The following NF2 variants were observed in gnomAD, a reference collection of about 807,000 sequenced individuals.
NF2 encodes the protein NF2, moesin-ezrin-radixin like (MERLIN) tumor suppressor.
NF2 carries 8 observed loss-of-function variants against 83.7 expected under a neutral mutation model. That is an observed-to-expected ratio of 0.10 (90% CI 0.06 to 0.17). The LOEUF is 0.17. Among genes scored for constraint, NF2 ranks in the 10% least tolerant of loss-of-function variants. NF2 has a pLI of 1.00. For synonymous variants in NF2, 266 were observed against 269.6 expected, an observed-to-expected ratio of 0.99 and a Z score of 0.13; for missense variants, 533 against 744.4, an observed-to-expected ratio of 0.72 and a Z score of 3.31.
At chr22:29,626,791 T>C (rs2065379263) in intron 1 of NF2, among the ~76,000 whole-genome samples, 1 of 152,250 alleles carries the variant, frequency 6.6e-6, no homozygotes, top group Non-Finnish European at 1.5e-5. Flanking sequence ...TACTTGATGT[T>C]TAGGCATTTG....
intron 1 of NF2, among the ~76,000 whole-genome samples, chr22:29,631,177 T>A (rs1406381053): frequency 6.6e-6 from 1 of 152,172 alleles, no homozygotes; most frequent in African/African-American, 2.4e-5. Context: ...TTATGCTGTT[T>A]GTCAGATACT....
At chr22:29,643,620 T>G (rs1338414870) in intron 4 of NF2, among the ~76,000 whole-genome samples, 1 of 152,096 alleles carries the variant, frequency 6.6e-6, no homozygotes, top group Non-Finnish European at 1.5e-5. Flanking sequence ...AGGTCACAGA[T>G]CAACAGGATC....
chr22:29,674,046 T>C (rs1032776890), intron 12 of NF2, among the ~76,000 whole-genome samples: 3 of 152,222 alleles, frequency 2.0e-5, no homozygotes, highest in African/African-American at 7.2e-5. Context: ...AAGACTATTC[T>C]AGGCCTGCAA....
chr22:29,648,092 C>T (rs1169506383), intron 4 of NF2, among the ~76,000 whole-genome samples: 2 of 151,642 alleles, frequency 1.3e-5, no homozygotes, highest in Admixed American at 6.6e-5. Flanking sequence ...GATCACACCA[C>T]TGCACTCCAG....
At chr22:29,631,471 A>T (rs933468441) in intron 1 of NF2, among the ~76,000 whole-genome samples, 5 of 152,218 alleles carry the variant, frequency 3.3e-5, no homozygotes, top group Admixed American at 6.5e-5. Context: ...TCAGACATGA[A>T]CAGGGACAGT....
At chr22:29,642,629 C>CT (rs1363243854) in intron 4 of NF2, among the ~76,000 whole-genome samples, 1 of 151,682 alleles carries the variant, frequency 6.6e-6, no homozygotes, top group South Asian at 2.1e-4. Context: ...CTGGAAAAAC[C>CT]TTTTTTCTTT....
chr22:29,695,054 C>G lies in NF2; in HGVS notation c.*252C>G. 1 of 588,522 alleles carries G rather than the reference C, an allele frequency of 1.7e-6. No homozygotes were observed. Among genetic ancestry groups the G allele is most frequent in the Non-Finnish European group, 3.0e-6 (1 of 329,592 alleles). The allele number at this position is 588,522 out of a possible 1,614,324, so 36.5% of individuals were successfully genotyped here. On this transcript the variant is annotated 3_prime_UTR_variant, in exon 16 of 16. Transcript: ENST00000338641. This position sits in a 1 kb window ranked among gnomAD's most constrained non-coding sequence, Gnocchi z 5.4. The stretch of plus-strand genomic sequence containing the variant: ...CTTTGTTTTAAGAAGTATTTGTCTT[C>G]CTTTGTCTAATGTGGGATTCCTGAC...
intron 3 of NF2, among the ~76,000 whole-genome samples, chr22:29,641,639 A>G (rs956112328): frequency 6.6e-6 from 1 of 152,218 alleles, no homozygotes; most frequent in Non-Finnish European, 1.5e-5. Flanking sequence ...AAATATGTTA[A>G]TTCAACATTA....
intron 7 of NF2, among the ~76,000 whole-genome samples, chr22:29,659,320 C>G (rs1188075077): frequency 6.6e-6 from 1 of 152,140 alleles, no homozygotes; most frequent in Non-Finnish European, 1.5e-5. Context: ...TTTTATAATC[C>G]TCAGAAAACA....
chr22:29,672,950 C>A (rs1405246182), intron 11 of NF2, among the ~76,000 whole-genome samples: 1 of 152,212 alleles, frequency 6.6e-6, no homozygotes, highest in Non-Finnish European at 1.5e-5. Flanking sequence ...GGACAAAAAA[C>A]TCCTCTGGTT....
intron 9 of NF2, among the ~76,000 whole-genome samples, chr22:29,666,517 G>A (rs1041858608): frequency 3.9e-5 from 6 of 151,924 alleles, no homozygotes; most frequent in Non-Finnish European, 5.9e-5. Flanking sequence ...AGTTTCTTTG[G>A]AGTCTTGAGT....
chr22:29,645,157 C>G (rs1185304277), intron 4 of NF2, among the ~76,000 whole-genome samples: 1 of 152,124 alleles, frequency 6.6e-6, no homozygotes, highest in Non-Finnish European at 1.5e-5. Flanking sequence ...GGAAAAAAGG[C>G]TATACATGCT....
At chr22:29,678,661 T>A (rs1304740320) in intron 14 of NF2, among the ~76,000 whole-genome samples, 1 of 152,254 alleles carries the variant, frequency 6.6e-6, no homozygotes, top group Non-Finnish European at 1.5e-5. Flanking sequence ...GCTGTTATAC[T>A]ACTGGACTGT....
chr22:29,630,601 T>G (rs1191018931), intron 1 of NF2, among the ~76,000 whole-genome samples: 1 of 152,188 alleles, frequency 6.6e-6, no homozygotes, highest in African/African-American at 2.4e-5. Flanking sequence ...GGAAGGGAGC[T>G]TCCAGGCATT....
chr22:29,615,601 A>G (rs1192742564), intron 1 of NF2, among the ~76,000 whole-genome samples: 1 of 152,058 alleles, frequency 6.6e-6, no homozygotes, highest in African/African-American at 2.4e-5. Context: ...TGGGTGTGGT[A>G]GCGTTCCTCT....
intron 13 of NF2, 139 bp from the exon 14 acceptor site, chr22:29,678,057 G>T (rs979798171): frequency 9.0e-6 from 9 of 994,990 alleles, no homozygotes; most frequent in African/African-American, 1.6e-5. Context: ...GAGGGATGGG[G>T]ACTCGTGGTG....
intron 1 of NF2, among the ~76,000 whole-genome samples, chr22:29,612,255 G>A (rs1475600588): frequency 5.3e-5 from 8 of 152,050 alleles, no homozygotes; most frequent in African/African-American, 1.4e-4. Context: ...TGATCCACCC[G>A]CCTCAGCCTC....
intron 15 of NF2, among the ~76,000 whole-genome samples, chr22:29,681,935 A>G (rs1211559644): frequency 1.3e-5 from 2 of 152,196 alleles, no homozygotes; most frequent in Admixed American, 6.5e-5. Context: ...TTACTTTATG[A>G]GAAAGCAGAA....
chr22:29,657,755 G>T (rs973955378), intron 6 of NF2, among the ~76,000 whole-genome samples: 1 of 152,222 alleles, frequency 6.6e-6, no homozygotes, highest in Non-Finnish European at 1.5e-5. Context: ...CAGGAAGCTT[G>T]CAGAGAGAGC....
Sources: allele counts gnomAD v4.1 joint callset (sites outside exome capture counted in the v4.1 genomes callset), GRCh38; gene constraint gnomAD v4.1.1; non-coding constraint Gnocchi (gnomAD v3.1); transcripts MANE v1.5; gene names NCBI Gene and HGNC (gene_info 2026-07-23, HGNC 2026-07-21).